The following SIK3 variants were observed in gnomAD, a reference collection of about 807,000 sequenced individuals.
SIK3 encodes the protein SIK family kinase 3, also known as serine/threonine-protein kinase SIK3.
In SIK3, 28 loss-of-function variants were observed where a neutral mutation model predicts 144.2. The ratio of observed to expected loss-of-function variants is 0.19; its 90% CI spans 0.14 to 0.27. The LOEUF (loss-of-function observed/expected upper bound fraction) is 0.27, where lower values mean the gene tolerates loss of function less well. SIK3 is among the 10% of genes least tolerant of loss of function. The pLI is 1.00. For missense variants in SIK3, 1,319 were observed against 1,776.0 expected (o/e 0.74, Z 4.62); for synonymous variants, 686 against 676.3 (o/e 1.01, Z -0.22).
chr11:117,013,959 C>CTTTTTT (rs1232857124), intron 1 of SIK3, among the ~76,000 whole-genome samples: 10 of 8,248 alleles, frequency 1.2e-3, no homozygotes, highest in Non-Finnish European at 1.8e-3. Flanking sequence ...TGTTTTATTT[C>CTTTTTT]TTTTTTTCTT....
At chr11:116,983,791 C>T (rs1950232356) in intron 1 of SIK3, among the ~76,000 whole-genome samples, 1 of 151,706 alleles carries the variant, frequency 6.6e-6, no homozygotes, top group Middle Eastern at 3.4e-3. Context: ...AAAAGCAAAG[C>T]AAAGGAAGGC....
intron 4 of SIK3, among the ~76,000 whole-genome samples, chr11:116,914,154 CTGAAAGGTGAT>C (rs1946489128): frequency 6.7e-6 from 1 of 150,204 alleles, no homozygotes; most frequent in Non-Finnish European, 1.5e-5. Context: ...AGTAACCCAA[CTGAAAGGTGAT>C]GTGAAAATAT....
intron 3 of SIK3, among the ~76,000 whole-genome samples, chr11:116,938,813 G>A (rs935515745): frequency 7.2e-5 from 11 of 152,116 alleles, no homozygotes; most frequent in Non-Finnish European, 1.6e-4. Flanking sequence ...AGCCTGAAGA[G>A]GCTCCAGGCT....
chr11:116,917,876 A>AAGGAAAGGAAAGGG, intron 4 of SIK3, among the ~76,000 whole-genome samples: 5 of 46,542 alleles, frequency 1.1e-4, no homozygotes, highest in Non-Finnish European at 1.8e-4. Context: ...GAAAGGGAGA[A>AAGGAAAGGAAAGGG]ACAAACAAAC....
At chr11:116,982,449 C>A (rs1439778808) in intron 1 of SIK3, among the ~76,000 whole-genome samples, 1 of 151,986 alleles carries the variant, frequency 6.6e-6, no homozygotes, top group African/African-American at 2.4e-5. Context: ...CCACTACGCC[C>A]AGCTAATTGT....
intron 6 of SIK3, among the ~76,000 whole-genome samples, chr11:116,878,145 A>G (rs1591447495): frequency 6.6e-6 from 1 of 152,080 alleles, no homozygotes; most frequent in African/African-American, 2.4e-5. Flanking sequence ...TTAATTCAAC[A>G]TCTTTATCCA....
Position 117,031,367 on chromosome 11 carries a change from T to G in SIK3, c.273+66776A>C, listed in dbSNP as rs1952248305. Among the ~76,000 whole-genome samples the G allele has an allele frequency of 6.0e-5, 8 of 133,450 alleles. No individual in the cohort carries two copies. In the South Asian group the frequency reaches 1.6e-3, roughly 27 times the overall value. 87.5% of individuals were successfully genotyped at this position (133,450 alleles called of 152,430 possible). A position where few individuals can be genotyped will look rare whatever the true frequency, so the allele number is the denominator to read the frequency against. ...TTAGGTCAGATTTTTCCTTTTTTCCTTTTTTTTTTTTTGTCTTATAGCTGT... is the reference window on the plus strand; with the variant it reads ...TTAGGTCAGATTTTTCCTTTTTTCCGTTTTTTTTTTTTGTCTTATAGCTGT... On this transcript the variant is annotated intron_variant, in intron 1 of 24. Transcript: ENST00000445177.
chr11:116,904,156 A>AACATAGTTCTGGG (rs1160146489), intron 4 of SIK3, among the ~76,000 whole-genome samples: 34 of 152,300 alleles, frequency 2.2e-4, no homozygotes, highest in African/African-American at 7.7e-4. Flanking sequence ...AAAGGCATAA[A>AACATAGTTCTGGG]ACATAGTTCT....
At chr11:116,874,204 A>G (rs1369449782) in intron 11 of SIK3, 148 bp from the exon 12 acceptor site, 9 of 835,818 alleles carry the variant, frequency 1.1e-5, no homozygotes, top group Non-Finnish European at 1.7e-5. Flanking sequence ...CCTAAAGCAA[A>G]GCAAAAGCCT....
At chr11:117,074,750 CT>C (rs1267492814) in intron 1 of SIK3, among the ~76,000 whole-genome samples, 1 of 151,676 alleles carries the variant, frequency 6.6e-6, no homozygotes, top group Non-Finnish European at 1.5e-5. Context: ...TGGTGAAACC[CT>C]GTCTCTACTA....
intron 4 of SIK3, among the ~76,000 whole-genome samples, chr11:116,915,122 ATATGTGTGTGTG>A (rs1946551194): frequency 1.0e-5 from 1 of 100,026 alleles, no homozygotes; most frequent in African/African-American, 4.9e-5. Flanking sequence ...AGGAAGCCAT[ATATGTGTGTGTG>A]TGTGTGTGTG....
intron 3 of SIK3, chr11:116,950,318 T>C: frequency 8.7e-6 from 3 of 343,960 alleles, no homozygotes; most frequent in Non-Finnish European, 1.8e-5. Context: ...AAATAAAAAT[T>C]ACAGGAGACC....
intron 3 of SIK3, among the ~76,000 whole-genome samples, chr11:116,932,599 A>G (rs1039013013): frequency 3.3e-5 from 5 of 152,192 alleles, no homozygotes; most frequent in Non-Finnish European, 5.9e-5. Context: ...TGTATCAAAA[A>G]AAGATACAAA....
chr11:116,867,983 G>A lies in SIK3; in HGVS notation c.1915C>T (p.Arg639Trp), dbSNP rs758025106. The change falls in exon 15 of 25, where the codon CGG (arginine) becomes TGG (tryptophan). Residue 639 changes from arginine to tryptophan, a missense_variant. Around this residue, in one of 8 missense-constraint regions of SIK3, gnomAD observed 47 missense variants for 40.2 expected, o/e 1.17. Transcript: ENST00000445177. This position sits in a 1 kb window ranked among gnomAD's most constrained non-coding sequence, Gnocchi z 4.1. ...GGTACCAGGTGAGGAGGCCAGACCC[G>A]GGAACGGAAAGGCTGCTGTCCTAGC... ...RQLGQQPFRSRVWPPHLVPDQ... is the reference protein window; with the variant it reads ...RQLGQQPFRSWVWPPHLVPDQ... 9.6e-5 allele frequency: 149 copies of A among 1,549,964 alleles called. No homozygotes were observed. Among genetic ancestry groups the A allele is most frequent in the Non-Finnish European group, 1.2e-4 (139 of 1,146,670 alleles).
At chr11:117,065,918 C>A (rs1316567254) in intron 1 of SIK3, among the ~76,000 whole-genome samples, 1 of 152,080 alleles carries the variant, frequency 6.6e-6, no homozygotes, top group African/African-American at 2.4e-5. Flanking sequence ...AGGTGTGAGC[C>A]GCCAAACCTG....
intron 1 of SIK3, among the ~76,000 whole-genome samples, chr11:117,065,868 G>C (rs1280219312): frequency 6.6e-6 from 1 of 151,854 alleles, no homozygotes; most frequent in East Asian, 1.9e-4. Flanking sequence ...GGCCCCAAGT[G>C]ATCTGCCCAC....
chr11:116,941,763 G>A (rs1394212099), intron 3 of SIK3, among the ~76,000 whole-genome samples: 5 of 152,080 alleles, frequency 3.3e-5, no homozygotes, highest in Non-Finnish European at 7.3e-5. Context: ...AGTTCTGCCT[G>A]GTATTCAGGA....
At chr11:117,065,007 G>A (rs1953945582) in intron 1 of SIK3, among the ~76,000 whole-genome samples, 1 of 151,992 alleles carries the variant, frequency 6.6e-6, no homozygotes. Context: ...AAATTAGCTG[G>A]GCAAGGTGGC....
At chr11:116,855,332 C>A (rs12099358) in intron 21 of SIK3, 35,711 of 152,014 alleles carry the variant, frequency 0.23, 5,423 homozygotes, top group African/African-American at 0.44. Context: ...ACCCAACCCA[C>A]AGGCTACTTA....
Sources: allele counts gnomAD v4.1 joint callset (sites outside exome capture counted in the v4.1 genomes callset), GRCh38; gene constraint gnomAD v4.1.1; regional missense constraint gnomAD v4.1.1; non-coding constraint Gnocchi (gnomAD v3.1); transcripts MANE v1.5; gene names NCBI Gene and HGNC (gene_info 2026-07-23, HGNC 2026-07-21).